TRIM2: variants seen among roughly 807,000 people sequenced by gnomAD.
The protein encoded by TRIM2 is tripartite motif-containing protein 2.
In TRIM2, 20 loss-of-function variants were observed where a neutral mutation model predicts 75.2. That is an observed-to-expected ratio of 0.27 (90% CI 0.19 to 0.39). The LOEUF is 0.39. Ranked by LOEUF, TRIM2 falls within the 10% of genes least tolerant of loss-of-function variation. The pLI, the probability that TRIM2 is intolerant of heterozygous loss-of-function variation, is 1.00. For missense variants in TRIM2, 660 were observed against 990.8 expected (o/e 0.67, Z 4.48); for synonymous variants, 373 against 388.3 (o/e 0.96, Z 0.46).
At chr4:153,228,489 G>C (rs775177923) in intron 1 of TRIM2, among the ~76,000 whole-genome samples, 10 of 152,240 alleles carry the variant, frequency 6.6e-5, no homozygotes, top group Non-Finnish European at 1.3e-4. Flanking sequence ...GATCTGGGTT[G>C]CTGCAGAAAA....
intron 1 of TRIM2, among the ~76,000 whole-genome samples, chr4:153,239,104 G>A (rs1745786040): frequency 6.6e-6 from 1 of 152,158 alleles, no homozygotes; most frequent in Non-Finnish European, 1.5e-5. Flanking sequence ...TGTAATCCCA[G>A]CACTTTGGGA....
intron 1 of TRIM2, among the ~76,000 whole-genome samples, chr4:153,193,382 T>C (rs566707637): frequency 1.3e-3 from 205 of 152,246 alleles, no homozygotes; most frequent in African/African-American, 4.5e-3. Context: ...CCGCCCGCCT[T>C]GTCCTCCCAA....
intron 1 of TRIM2, among the ~76,000 whole-genome samples, chr4:153,252,789 T>G (rs1212046040): frequency 1.3e-5 from 2 of 152,238 alleles, no homozygotes; most frequent in East Asian, 3.8e-4. Context: ...ATTACAGGCG[T>G]AAGCCACCAC....
intron 1 of TRIM2, among the ~76,000 whole-genome samples, chr4:153,154,081 C>A (rs994599018): frequency 2.0e-5 from 3 of 152,138 alleles, no homozygotes; most frequent in African/African-American, 4.8e-5. Context: ...TGGCATCATG[C>A]AAGGGTGTGT....
At chr4:153,260,865 A>C (rs1378262361) in intron 1 of TRIM2, among the ~76,000 whole-genome samples, 2 of 152,082 alleles carry the variant, frequency 1.3e-5, no homozygotes, top group Admixed American at 6.5e-5. Context: ...AATTTCACTA[A>C]AGATTGTCCT....
intron 6 of TRIM2, among the ~76,000 whole-genome samples, chr4:153,299,628 G>A (rs1472440918): frequency 6.6e-6 from 1 of 152,078 alleles, no homozygotes; most frequent in Non-Finnish European, 1.5e-5. Flanking sequence ...TAACTTCCTT[G>A]TAGTTTCAGT....
chr4:153,198,076 C>T (rs1340597555), intron 1 of TRIM2, among the ~76,000 whole-genome samples: 1 of 152,048 alleles, frequency 6.6e-6, no homozygotes, highest in Admixed American at 6.5e-5. Flanking sequence ...CAGCTTATGG[C>T]ATTTTGTTAT....
rs1170794058 is a variant in TRIM2 at position 153,256,467 on chromosome 4, A to G, written c.31-13868A>G. Among the ~76,000 whole-genome samples the G allele has an allele frequency of 2.0e-5, 3 of 152,354 alleles. No homozygotes were observed. The East Asian group carries it at 5.8e-4, about 29-fold the overall frequency. On this transcript the variant is annotated intron_variant, in intron 1 of 11. Transcript: ENST00000338700. ...TTTGAAACTAATAACTAACCAAGGA[A>G]TAGGATGCAATACTGTTCCCTGCGT... is the stretch of plus-strand genomic sequence containing the variant.
At chr4:153,287,339 G>A (rs570652718) in intron 3 of TRIM2, among the ~76,000 whole-genome samples, 1 of 152,280 alleles carries the variant, frequency 6.6e-6, no homozygotes, top group South Asian at 2.1e-4. Flanking sequence ...CTTATAGAGA[G>A]CATATAGTTG....
chr4:153,307,102 G>A (rs1765173942), intron 6 of TRIM2, among the ~76,000 whole-genome samples: 3 of 152,170 alleles, frequency 2.0e-5, no homozygotes, highest in Non-Finnish European at 4.4e-5. Flanking sequence ...AAACAATCCT[G>A]AATGAGTTTA....
rs1455295918 is a variant in TRIM2 at position 153,235,609 on chromosome 4, C to A, written c.30+31049C>A. On this transcript the variant is annotated intron_variant, in intron 1 of 11. Coordinates refer to ENST00000338700, the MANE Select transcript of TRIM2 (RefSeq NM_015271.5). ...CCAAGTTAAGAGAATTAAATGAATT[C>A]TTGTGTGTATAGAATAGTACCCAGC... Among the ~76,000 whole-genome samples the A allele has an allele frequency of 2.6e-5, 4 of 152,044 alleles. No homozygotes were observed. The East Asian group carries it at 7.7e-4, about 29-fold the overall frequency.
At chr4:153,214,822 G>A (rs571729982) in intron 1 of TRIM2, among the ~76,000 whole-genome samples, 62 of 152,196 alleles carry the variant, frequency 4.1e-4, no homozygotes, top group African/African-American at 1.3e-3. Context: ...AAGCATACTA[G>A]GTGTTTTTTA....
intron 6 of TRIM2, among the ~76,000 whole-genome samples, chr4:153,303,388 G>A (rs376412617): frequency 2.4e-4 from 36 of 151,432 alleles, no homozygotes; most frequent in Middle Eastern, 3.4e-3. Context: ...CAGGAGAATC[G>A]CTGGAACCCA....
chr4:153,307,357 G>C (rs1445286865), intron 6 of TRIM2, among the ~76,000 whole-genome samples: 2 of 152,118 alleles, frequency 1.3e-5, no homozygotes, highest in African/African-American at 4.8e-5. Context: ...AAAGTTGAAT[G>C]AAACACTCAT....
intron 6 of TRIM2, among the ~76,000 whole-genome samples, chr4:153,313,745 T>G (rs1560998016): frequency 6.7e-6 from 1 of 149,986 alleles, no homozygotes; most frequent in East Asian, 2.0e-4. Context: ...TAAGCGATTC[T>G]CCTGCCTCAG....
intron 1 of TRIM2, among the ~76,000 whole-genome samples, chr4:153,177,706 G>C (rs529808597): frequency 5.9e-5 from 4 of 68,174 alleles, no homozygotes; most frequent in African/African-American, 1.8e-4. Context: ...ATGGTGGCTC[G>C]CTCCTTCCTT....
chr4:153,180,987 G>C (rs984499897), intron 1 of TRIM2, among the ~76,000 whole-genome samples: 1 of 152,220 alleles, frequency 6.6e-6, no homozygotes, highest in Non-Finnish European at 1.5e-5. Flanking sequence ...GTGTCACAAA[G>C]AGCCCCAGCA....
At chr4:153,205,119 A>C (rs760643562) in intron 1 of TRIM2, among the ~76,000 whole-genome samples, 1 of 152,204 alleles carries the variant, frequency 6.6e-6, no homozygotes, top group Non-Finnish European at 1.5e-5. Context: ...AAAGGGTACT[A>C]TGTCCCTCTG....
chr4:153,304,683 T>G (rs893221566), intron 6 of TRIM2, among the ~76,000 whole-genome samples: 1 of 152,206 alleles, frequency 6.6e-6, no homozygotes, highest in African/African-American at 2.4e-5. Context: ...ATAAACCACA[T>G]GCACGAGAAT....
Sources: allele counts gnomAD v4.1 joint callset (sites outside exome capture counted in the v4.1 genomes callset), GRCh38; gene constraint gnomAD v4.1.1; transcripts MANE v1.5; gene names NCBI Gene and HGNC (gene_info 2026-07-23, HGNC 2026-07-21).